DDX23: variants seen among roughly 807,000 people sequenced by gnomAD.
The protein encoded by DDX23 is probable ATP-dependent RNA helicase DDX23.
Under a neutral mutation model 102.7 loss-of-function variants are expected in DDX23, and 33 were observed. The ratio of observed to expected loss-of-function variants is 0.32; its 90% confidence interval spans 0.24 to 0.43. The LOEUF (loss-of-function observed/expected upper bound fraction) is 0.43. Ranked by LOEUF, DDX23 falls within the 20% of genes least tolerant of loss-of-function variation. DDX23 has a pLI of 1.00. For missense variants in DDX23, 549 were observed against 1,086.6 expected (o/e 0.51, Z 6.96); for synonymous variants, 352 against 376.0 (o/e 0.94, Z 0.74).
chr12:48,841,335 G>A (rs1432698025), intron 3 of DDX23, among the ~76,000 whole-genome samples: 5 of 152,166 alleles, frequency 3.3e-5, no homozygotes, highest in African/African-American at 7.2e-5. Context: ...GCAGTGAGCC[G>A]AGATCGTGCC....
At position 48,840,061 on chromosome 12, in the gene DDX23, T is replaced by A; in HGVS notation, c.366A>T (p.Arg122Ser). 1 of 1,614,216 alleles carries A rather than the reference T, an allele frequency of 6.2e-7. No individual in the cohort carries two copies. Among genetic ancestry groups the A allele is most frequent in the South Asian group, 1.1e-5 (1 of 91,082 alleles). The part of the protein sequence containing the change: ...RGKDFKSRKD[R>S]DSKKDEEDEH... The stretch of plus-strand genomic sequence containing the variant: ...CATCCTCTTCATCCTTCTTAGAGTC[T>A]CTGTCCTTCCGAGATTTAAAGTCTT... Residue 122 changes from arginine (R) to serine (S), a missense_variant, in exon 4 of 17, where the codon AGA becomes AGT. This residue lies in a region of DDX23 where 241 missense variants were observed against 267.0 expected (regional missense o/e 0.90). Coordinates refer to ENST00000308025, the MANE Select transcript of DDX23 (RefSeq NM_004818.3).
In DDX23 at chr12:48,838,085, A is replaced by G. The variant is rs1039674767; in HGVS notation, c.481-5T>C. 3.1e-6 allele frequency: 5 copies of G among 1,614,018 alleles called. No homozygotes were observed. The highest frequency in any genetic ancestry group is 2.7e-5 in the African/African-American group (2 of 74,944). ...TGCTTTAGAGAGGAACTTGGGCTAC[A>G]AAAGAGATTGGAACTGTCAACAAAG... On this transcript the variant is annotated splice_region_variant and splice_polypyrimidine_tract_variant and intron_variant, in intron 5 of 16. Coordinates refer to ENST00000308025, the MANE Select transcript of DDX23 (RefSeq NM_004818.3).
In DDX23 at chr12:48,830,297, G is replaced by C; in HGVS notation, c.*172C>G. On this transcript the variant is annotated 3_prime_UTR_variant, in exon 17 of 17. Transcript: ENST00000308025. This position sits in a 1 kb window ranked among gnomAD's most constrained non-coding sequence, Gnocchi z 4.9. ...TCCGACAGCGTCGTCCTCTCCTTTTGCAGCCCCACACGCAGGCCTCCTGAC... is the reference window on the plus strand; with the variant it reads ...TCCGACAGCGTCGTCCTCTCCTTTTCCAGCCCCACACGCAGGCCTCCTGAC... 1 of 806,546 alleles carries C rather than the reference G, an allele frequency of 1.2e-6. No individual in the cohort carries two copies. The highest frequency in any genetic ancestry group is 1.5e-5 in the South Asian group (1 of 68,758). The allele number at this position is 806,546 out of a possible 1,614,324, so 50.0% of individuals were successfully genotyped here.
rs754819145 is a variant in DDX23 at position 48,838,055 on chromosome 12, C to T, written c.506G>A (p.Arg169Gln). ...AKPKFLSKAE[R>Q]EAEALKRRQQ... The stretch of plus-strand genomic sequence containing the variant: ...CCGTCGCTTTAGAGCTTCAGCCTCT[C>T]GTTCTGCTTTAGAGAGGAACTTGGG... Residue 169 changes from arginine (R) to glutamine (Q), a missense_variant, in exon 6 of 17, where the codon CGA (arginine) becomes CAA (glutamine). Physicochemically the swap from Arg to Gln is conservative, Grantham distance 43 (BLOSUM62 1). This residue lies in a region of DDX23 where 241 missense variants were observed against 267.0 expected (regional missense o/e 0.90). Coordinates refer to ENST00000308025, the MANE Select transcript of DDX23 (RefSeq NM_004818.3). 1.2e-6 allele frequency: 2 copies of T among 1,614,210 alleles called. No homozygotes were observed. Among genetic ancestry groups the T allele is most frequent in the South Asian group, 1.1e-5 (1 of 91,084 alleles).
chr12:48,838,215 T>C lies in DDX23; in HGVS notation c.481-135A>G, dbSNP rs1019094470. On this transcript the variant is annotated intron_variant, in intron 5 of 16. Transcript: ENST00000308025. Reference sequence around the variant, plus strand: ...TGTTGAGGAAAACACAAATAGGCCTTGGACTCGGTTATGGACTGAACTATG... The same window carrying C: ...TGTTGAGGAAAACACAAATAGGCCTCGGACTCGGTTATGGACTGAACTATG... 9 of 1,268,484 alleles carry C rather than the reference T, an allele frequency of 7.1e-6. 1 individual carries two copies. In the South Asian group the frequency reaches 9.8e-5, roughly 14 times the overall value. The allele number at this position is 1,268,484 out of a possible 1,614,324, so 78.6% of individuals were successfully genotyped here.
intron 8 of DDX23, 52 bp from the exon 9 acceptor site, chr12:48,837,089 G>A (rs777475126): frequency 1.2e-6 from 2 of 1,610,046 alleles, no homozygotes; most frequent in Non-Finnish European, 1.7e-6. Context: ...AACGGCAGTA[G>A]GAAGGAAGGG....
intron 1 of DDX23, among the ~76,000 whole-genome samples, chr12:48,848,009 G>T (rs956679870): frequency 6.6e-6 from 1 of 152,160 alleles, no homozygotes; most frequent in African/African-American, 2.4e-5. Flanking sequence ...TCTCATGCTG[G>T]GCGTGGTGGC....
At chr12:48,851,402 G>A (rs920143451) in intron 1 of DDX23, among the ~76,000 whole-genome samples, 4 of 152,118 alleles carry the variant, frequency 2.6e-5, no homozygotes, top group Admixed American at 6.5e-5. Context: ...GAACCCGGGA[G>A]GCGGAGGTTG....
Position 48,830,334 on chromosome 12 carries a change from G to T in DDX23, c.*135C>A. The T allele has an allele frequency of 9.2e-7, 1 of 1,090,574 alleles. No individual in the cohort carries two copies. The highest frequency in any genetic ancestry group is 1.4e-6 in the Non-Finnish European group (1 of 729,814). The allele number at this position is 1,090,574 out of a possible 1,614,324, so 67.6% of individuals were successfully genotyped here. On this transcript the variant is annotated 3_prime_UTR_variant, in exon 17 of 17. Coordinates refer to ENST00000308025, the MANE Select transcript of DDX23 (RefSeq NM_004818.3). This position sits in a 1 kb window ranked among gnomAD's most constrained non-coding sequence, Gnocchi z 4.9. ...GCAGGCCTCCTGACCTGAGGGTCTG[G>T]GCTAGGGAGTTGGATTGTTTTCCTA...
chr12:48,840,095 C>T lies in DDX23; in HGVS notation c.332G>A (p.Gly111Asp). 1 of 1,613,732 alleles carries T rather than the reference C, an allele frequency of 6.2e-7. No homozygotes were observed. The highest frequency in any genetic ancestry group is 8.5e-7 in the Non-Finnish European group (1 of 1,179,650). The change falls in exon 4 of 17, where the codon GGT becomes GAT. Residue 111 changes from glycine to aspartate, a missense_variant. Coordinates refer to ENST00000308025, the MANE Select transcript of DDX23 (RefSeq NM_004818.3). ...CCGAGATTTAAAGTCTTTTCCTCGA[C>T]CAGGAGATAAGCTTTGAGGAAAAGG... ...KDRKRSSLSP[G>D]RGKDFKSRKD...
At chr12:48,851,880 G>A (rs1264452072) in intron 1 of DDX23, among the ~76,000 whole-genome samples, 3 of 152,272 alleles carry the variant, frequency 2.0e-5, no homozygotes, top group Non-Finnish European at 4.4e-5. Context: ...ATATCGTGCA[G>A]GGACGTGGCC....
intron 13 of DDX23, chr12:48,833,030 G>T: frequency 1.8e-6 from 1 of 548,644 alleles, no homozygotes; most frequent in Non-Finnish European, 3.2e-6. Context: ...GCCCAGGATG[G>T]AATGGAGTAG....
At position 48,845,726 on chromosome 12, in the gene DDX23, T is replaced by G. The variant is rs751038053; in HGVS notation, c.57A>C (p.Glu19Asp). The change falls in exon 2 of 17, where the codon GAA becomes GAC. Residue 19 changes from glutamate (E) to aspartate (D), a missense_variant. Glu to Asp is a conservative substitution (Grantham distance 45). This residue lies in a region of DDX23 where 241 missense variants were observed against 267.0 expected (regional missense o/e 0.90). Transcript: ENST00000308025. ...KDRDASPSKE[E>D]RKRSRTPDRE... ...TGTCAGGAGTCCGTGATCGCTTCCT[T>G]TCCTCCTTGGAAGGTGATGCATCAC... 6.2e-7 allele frequency: 1 copy of G among 1,614,214 alleles called. No individual in the cohort carries two copies. Among genetic ancestry groups the G allele is most frequent in the Non-Finnish European group, 8.5e-7 (1 of 1,180,036 alleles).
rs997313979 is a variant in DDX23, at chr12:48,839,837, T to C, written c.480+7A>G. ...GAGCCGATGAATGAAGACCCTCAAG[T>C]ACTTACCTTAGCCTCAGCTTCTTCC... On this transcript the variant is annotated splice_region_variant and intron_variant, in intron 5 of 16. Transcript: ENST00000308025. 6 of 1,613,958 alleles carry C rather than the reference T, an allele frequency of 3.7e-6. No individual in the cohort carries two copies. The African/African-American group carries it at 8.0e-5, about 22-fold the overall frequency.
At chr12:48,845,912 G>T in intron 1 of DDX23, 130 bp from the exon 2 acceptor site, 4 of 1,015,004 alleles carry the variant, frequency 3.9e-6, no homozygotes, top group Non-Finnish European at 5.7e-6. Context: ...AGATGAGAAC[G>T]GTGGAGCTCA....
rs1938408851 is a variant in DDX23 at position 48,832,687 on chromosome 12, C to T, written c.1804-114G>A. On this transcript the variant is annotated intron_variant, in intron 13 of 16. Transcript: ENST00000308025. This position sits in a 1 kb window ranked among gnomAD's most constrained non-coding sequence, Gnocchi z 4.4. Reference sequence around the variant, plus strand: ...AATCTAAAATGGGCCACAGTATAGGCTTTGATAGCCACCACCTTAGAAAAT... The same window carrying T: ...AATCTAAAATGGGCCACAGTATAGGTTTTGATAGCCACCACCTTAGAAAAT... 13 of 1,306,612 alleles carry T rather than the reference C, an allele frequency of 9.9e-6. 1 individual carries two copies. The South Asian group carries it at 1.7e-4, about 17-fold the overall frequency. 80.9% of individuals were successfully genotyped at this position (1,306,612 alleles called of 1,614,324 possible). A position where few individuals can be genotyped will look rare whatever the true frequency, so the allele number is the denominator to read the frequency against.
chr12:48,837,922 C>T lies in DDX23; in HGVS notation c.619+20G>A. On this transcript the variant is annotated intron_variant, in intron 6 of 16. Coordinates refer to ENST00000308025, the MANE Select transcript of DDX23 (RefSeq NM_004818.3). The stretch of plus-strand genomic sequence containing the variant: ...TCTTTCCTCTTCCATCTAGGGGCTA[C>T]ACAGGGTAGAATAACAAACCCAACA... 6.2e-7 allele frequency: 1 copy of T among 1,612,244 alleles called. No homozygotes were observed. Among genetic ancestry groups the T allele is most frequent in the Non-Finnish European group, 8.5e-7 (1 of 1,179,956 alleles).
In DDX23 at chr12:48,838,178, A is replaced by G. The variant is rs1412682514; in HGVS notation, c.481-98T>C. 3 of 1,561,700 alleles carry G rather than the reference A, an allele frequency of 1.9e-6. No individual in the cohort carries two copies. The African/African-American group carries it at 4.1e-5, about 21-fold the overall frequency. On this transcript the variant is annotated intron_variant, in intron 5 of 16. Coordinates refer to ENST00000308025, the MANE Select transcript of DDX23 (RefSeq NM_004818.3). ...GCAGGGAACCCAAAAGTATTTGCTCAGGCATTAAGCCTGTTGAGGAAAACA... is the reference window on the plus strand; with the variant it reads ...GCAGGGAACCCAAAAGTATTTGCTCGGGCATTAAGCCTGTTGAGGAAAACA...
intron 5 of DDX23, 108 bp downstream of exon 5, chr12:48,839,736 C>T (rs1475080489): frequency 1.7e-5 from 20 of 1,148,304 alleles, no homozygotes; most frequent in Non-Finnish European, 2.4e-5. Context: ...CTCAGACTTC[C>T]AGCCTCCAGA....
Sources: allele counts gnomAD v4.1 joint callset (sites outside exome capture counted in the v4.1 genomes callset), GRCh38; gene constraint gnomAD v4.1.1; regional missense constraint gnomAD v4.1.1; non-coding constraint Gnocchi (gnomAD v3.1); transcripts MANE v1.5; gene names NCBI Gene and HGNC (gene_info 2026-07-23, HGNC 2026-07-21).